The following RBFOX1 variants were observed in gnomAD, a reference collection of about 807,000 sequenced individuals.
RBFOX1 encodes the protein RNA binding protein fox-1 homolog 1.
RBFOX1 carries 8 observed loss-of-function variants against 57.7 expected under a neutral mutation model. That is an observed-to-expected ratio of 0.14 (90% CI 0.08 to 0.25). RBFOX1 has a LOEUF of 0.25. RBFOX1 is among the 10% of genes least tolerant of loss of function. The pLI is 1.00. For synonymous variants in RBFOX1, 326 were observed against 222.4 expected (o/e 1.47, Z -4.15); for missense variants, 611 against 548.5 (o/e 1.11, Z -1.14).
At chr16:7,454,000 A>C (rs991528033) in intron 4 of RBFOX1, among the ~76,000 whole-genome samples, 2 of 152,244 alleles carry the variant, frequency 1.3e-5, no homozygotes, top group African/African-American at 4.8e-5. Flanking sequence ...TGGGAGGCCA[A>C]GACGGGTGGA....
intron 1 of RBFOX1, among the ~76,000 whole-genome samples, chr16:5,430,841 C>T (rs552575285): frequency 2.0e-5 from 3 of 152,216 alleles, no homozygotes; most frequent in Admixed American, 1.3e-4. Context: ...ATACAACAGC[C>T]AACCTTTACA....
At chr16:6,694,847 G>C (rs1004392023) in intron 3 of RBFOX1, among the ~76,000 whole-genome samples, 4 of 151,970 alleles carry the variant, frequency 2.6e-5, no homozygotes, top group African/African-American at 7.3e-5. Flanking sequence ...CTGGTCTAGA[G>C]TCCAGCCCCG....
At chr16:7,486,324 G>A (rs551938176) in intron 4 of RBFOX1, among the ~76,000 whole-genome samples, 16 of 151,456 alleles carry the variant, frequency 1.1e-4, no homozygotes, top group African/African-American at 3.4e-4. Context: ...GTAGAGATGC[G>A]GTTTCACCAT....
At chr16:6,887,017 G>GGAAAAA (rs2064212274) in intron 3 of RBFOX1, among the ~76,000 whole-genome samples, 2 of 152,112 alleles carry the variant, frequency 1.3e-5, no homozygotes. Context: ...TTTCTGGTTT[G>GGAAAAA]ATTATCTTCC....
rs983121820 is a variant in RBFOX1, at chr16:6,648,995, T to A, written c.-63-5608T>A. Among the ~76,000 whole-genome samples the A allele has an allele frequency of 5.9e-5, 9 of 152,290 alleles. No homozygotes were observed. The East Asian group carries it at 1.7e-3, about 29-fold the overall frequency. ...ATAACATCTACTTTCTTAGCAATTT[T>A]CAAGATTACAACATGTTGTGAACTG... On this transcript the variant is annotated intron_variant, in intron 2 of 15. Coordinates refer to ENST00000550418, the MANE Select transcript of RBFOX1 (RefSeq NM_018723.4).
intron 4 of RBFOX1, among the ~76,000 whole-genome samples, chr16:7,508,762 A>G (rs1190291076): frequency 6.6e-6 from 1 of 152,170 alleles, no homozygotes; most frequent in Non-Finnish European, 1.5e-5. Context: ...GAATTCTTCC[A>G]GGCGGTCTCT....
chr16:7,076,738 C>G (rs930986490), intron 4 of RBFOX1, among the ~76,000 whole-genome samples: 1 of 152,160 alleles, frequency 6.6e-6, no homozygotes, highest in Non-Finnish European at 1.5e-5. Flanking sequence ...TCACTCGTAA[C>G]AGTGTATGCA....
intron 2 of RBFOX1, among the ~76,000 whole-genome samples, chr16:6,430,094 G>A (rs1438290557): frequency 5.9e-5 from 9 of 151,534 alleles, no homozygotes; most frequent in African/African-American, 1.5e-4. Flanking sequence ...GGCAACAAGA[G>A]CGAAACTCCA....
At chr16:5,398,400 C>T (rs1267421298) in intron 1 of RBFOX1, among the ~76,000 whole-genome samples, 1 of 151,450 alleles carries the variant, frequency 6.6e-6, no homozygotes, top group Non-Finnish European at 1.5e-5. Context: ...TGTGAGGGTG[C>T]ATGTGTGTGA....
intron 2 of RBFOX1, among the ~76,000 whole-genome samples, chr16:6,392,915 C>G (rs746014756): frequency 2.0e-5 from 3 of 152,208 alleles, no homozygotes; most frequent in African/African-American, 7.2e-5. Flanking sequence ...AACCATATGA[C>G]CCACCCTCTT....
chr16:7,290,189 A>T (rs762363316), intron 4 of RBFOX1, among the ~76,000 whole-genome samples: 12 of 152,222 alleles, frequency 7.9e-5, no homozygotes, highest in Non-Finnish European at 1.5e-4. Flanking sequence ...TATGACTTCA[A>T]ATGTGAAGCA....
At chr16:7,626,203 G>A (rs984883783) in intron 10 of RBFOX1, among the ~76,000 whole-genome samples, 3 of 152,210 alleles carry the variant, frequency 2.0e-5, no homozygotes, top group African/African-American at 7.2e-5. Context: ...TCACTTAGGG[G>A]GTTGGCAGCA....
intron 1 of RBFOX1, among the ~76,000 whole-genome samples, chr16:5,443,769 A>G (rs1309110186): frequency 6.6e-6 from 1 of 152,220 alleles, no homozygotes; most frequent in Non-Finnish European, 1.5e-5. Context: ...CTTAAGGATT[A>G]TCTTGCAAGA....
At chr16:7,418,792 C>G (rs201703036) in intron 4 of RBFOX1, among the ~76,000 whole-genome samples, 1 of 111,078 alleles carries the variant, frequency 9.0e-6, no homozygotes, top group Non-Finnish European at 1.9e-5. Context: ...CTCTGTCTTT[C>G]TCTGTCTTCC....
At chr16:5,721,705 C>T (rs1226920777) in intron 3 of RBFOX1, among the ~76,000 whole-genome samples, 1 of 152,194 alleles carries the variant, frequency 6.6e-6, no homozygotes. Context: ...AATGCTTTCT[C>T]TGCATCTATT....
intron 3 of RBFOX1, among the ~76,000 whole-genome samples, chr16:5,617,466 CTG>C (rs1343569657): frequency 1.3e-5 from 2 of 152,208 alleles, no homozygotes; most frequent in Admixed American, 6.5e-5. Context: ...GCCTGGGACT[CTG>C]TGTTCTCCAA....
intron 1 of RBFOX1, among the ~76,000 whole-genome samples, chr16:6,041,405 A>G (rs950225362): frequency 6.6e-6 from 1 of 152,214 alleles, no homozygotes; most frequent in Admixed American, 6.5e-5. Context: ...TAAGATGACA[A>G]GACTAGAAGT....
At chr16:5,286,418 G>T (rs1816874573) in intron 1 of RBFOX1, among the ~76,000 whole-genome samples, 1 of 152,216 alleles carries the variant, frequency 6.6e-6, no homozygotes, top group South Asian at 2.1e-4. Flanking sequence ...TCAGTAGTAA[G>T]TGTGAGCACT....
chr16:5,597,186 G>C (rs1344535906), intron 2 of RBFOX1, among the ~76,000 whole-genome samples: 3 of 151,808 alleles, frequency 2.0e-5, no homozygotes, highest in African/African-American at 7.3e-5. Flanking sequence ...TTTGATATCT[G>C]TGTCTGTCTA....
Sources: gnomAD v4.1 joint callset for allele counts (sites outside exome capture counted in the v4.1 genomes callset) on GRCh38, gnomAD v4.1.1 for gene constraint, MANE v1.5 for transcripts, NCBI Gene and HGNC (gene_info 2026-07-23, HGNC 2026-07-21) for gene names.